The following FRMPD4 variants were observed in gnomAD, a reference collection of about 807,000 sequenced individuals.
The protein encoded by FRMPD4 is FERM and PDZ domain-containing protein 4.
In FRMPD4, 22 loss-of-function variants were observed where a neutral mutation model predicts 94.1. The observed-to-expected ratio is 0.23, with a 90% CI of 0.17 to 0.33. The LOEUF (loss-of-function observed/expected upper bound fraction) is 0.33. FRMPD4 is among the 10% of genes least tolerant of loss of function. The probability of loss-of-function intolerance (pLI) is 1.00; values close to 1 mark genes in which losing one functional copy is unlikely to be tolerated. For missense variants in FRMPD4, 1,111 were observed against 1,339.9 expected (o/e 0.83, Z 2.67); for synonymous variants, 631 against 548.6 (o/e 1.15, Z -2.10).
chrX:12,513,095 C>G lies in FRMPD4; in HGVS notation c.158+14299C>G, dbSNP rs58815316. On this transcript the variant is annotated intron_variant, in intron 2 of 16. Coordinates refer to ENST00000675598, the MANE Select transcript of FRMPD4 (RefSeq NM_001368397.1). ...TTTTTCTTGTAAATTTGTTTAAATT[C>G]CTTGTAGATTCTGGATATGAGACCT... Among the ~76,000 whole-genome samples, 1,078 of 111,805 alleles carry G rather than the reference C, an allele frequency of 9.6e-3. 16 individuals carry two copies. Among genetic ancestry groups the G allele is most frequent in the African/African-American group, 0.033 (1,026 of 30,764 alleles).
intron 1 of FRMPD4, among the ~76,000 whole-genome samples, chrX:12,439,604 A>G (rs1353954625): frequency 9.0e-6 from 1 of 111,661 alleles, no homozygotes; most frequent in East Asian, 2.8e-4. Context: ...TTATTATTAC[A>G]TTCTGAACTG....
At chrX:11,866,297 G>C (rs769310870) in intron 2 of FRMPD4, among the ~76,000 whole-genome samples, 11 of 111,857 alleles carry the variant, frequency 9.8e-5, no homozygotes, top group Non-Finnish European at 3.8e-5. Flanking sequence ...GTCTACTGGG[G>C]CCTCATGCAG....
rs1268707275 is a variant in FRMPD4, at chrX:12,154,485, G to A, written c.41+15473G>A. ...CTGGAAAAGTTGGCTTACTTCAGAG[G>A]AGAGACGAAATAGAAGGGGATGTAG... On this transcript the variant is annotated intron_variant, in intron 1 of 16. Coordinates refer to ENST00000675598, the MANE Select transcript of FRMPD4 (RefSeq NM_001368397.1). Among the ~76,000 whole-genome samples the A allele has an allele frequency of 2.7e-5, 3 of 112,237 alleles. No individual in the cohort carries two copies. In the Admixed American group the frequency reaches 2.8e-4, roughly 11 times the overall value.
At chrX:12,631,394 A>C (rs924524315) in intron 4 of FRMPD4, among the ~76,000 whole-genome samples, 2 of 112,479 alleles carry the variant, frequency 1.8e-5, no homozygotes, top group Non-Finnish European at 3.8e-5. Flanking sequence ...AATCTAAATT[A>C]ATTGATAGAC....
chrX:12,336,927 C>T (rs1210440194), intron 1 of FRMPD4, among the ~76,000 whole-genome samples: 2 of 111,261 alleles, frequency 1.8e-5, no homozygotes, highest in Admixed American at 1.9e-4. Flanking sequence ...GGCAGAGTAG[C>T]AGGTTTGAAT....
chrX:12,268,702 A>G (rs2054309558), intron 1 of FRMPD4, among the ~76,000 whole-genome samples: 1 of 112,344 alleles, frequency 8.9e-6, no homozygotes, highest in African/African-American at 3.2e-5. Context: ...CATAGGGTGC[A>G]CAGCCTTCTG....
chrX:11,927,697 G>C (rs2054097142), intron 3 of FRMPD4, among the ~76,000 whole-genome samples: 1 of 112,527 alleles, frequency 8.9e-6, no homozygotes, highest in African/African-American at 3.2e-5. Context: ...CTAGCCATAT[G>C]CAGAAGATTG....
chrX:12,013,990 A>G (rs897462907), intron 3 of FRMPD4, among the ~76,000 whole-genome samples: 1 of 112,469 alleles, frequency 8.9e-6, no homozygotes, highest in African/African-American at 3.2e-5. Flanking sequence ...CAGACATATT[A>G]TATAACTTTT....
chrX:12,648,096 C>T (rs1255412029), intron 4 of FRMPD4, among the ~76,000 whole-genome samples: 1 of 111,546 alleles, frequency 9.0e-6, no homozygotes, highest in Non-Finnish European at 1.9e-5. Flanking sequence ...TTTTTGACAC[C>T]CATAACTGAA....
intron 1 of FRMPD4, among the ~76,000 whole-genome samples, chrX:12,361,086 A>C (rs1055183196): frequency 2.7e-5 from 3 of 111,957 alleles, no homozygotes; most frequent in Non-Finnish European, 5.6e-5. Context: ...TCATTAGAGA[A>C]GATGAAATTT....
At chrX:12,616,072 G>A (rs2059233755) in intron 4 of FRMPD4, among the ~76,000 whole-genome samples, 1 of 110,936 alleles carries the variant, frequency 9.0e-6, no homozygotes, top group African/African-American at 3.3e-5. Context: ...CATGTCCCAG[G>A]GAAACTCTGG....
At chrX:12,025,339 A>G (rs1274204024) in intron 3 of FRMPD4, among the ~76,000 whole-genome samples, 1 of 109,170 alleles carries the variant, frequency 9.2e-6, no homozygotes, top group African/African-American at 3.3e-5. Flanking sequence ...ACAATTGCCT[A>G]CTTGACTCCT....
chrX:12,104,684 T>A (rs1389752144), intron 3 of FRMPD4, among the ~76,000 whole-genome samples: 1 of 112,661 alleles, frequency 8.9e-6, no homozygotes, highest in African/African-American at 3.2e-5. Context: ...AATCATTAAC[T>A]ATTTATGAGC....
rs184388957 is a variant in FRMPD4 at position 12,111,150 on chromosome X, C to T, written c.95+233132C>T. ...CAAAAGAACAAAGCTGGAGGCATCA[C>T]GCTACCTGACTTCAAACTATACTAC... is the stretch of plus-strand genomic sequence containing the variant. On this transcript the variant is annotated intron_variant, in intron 3 of 18. Transcript: ENST00000640291. 3.1e-3 allele frequency among the ~76,000 whole-genome samples: 350 copies of T among 111,692 alleles called. 1 individual carries two copies. The highest frequency in any genetic ancestry group is 9.1e-3 in the African/African-American group (280 of 30,777).
chrX:11,853,455 T>A (rs186658630), intron 1 of FRMPD4, among the ~76,000 whole-genome samples: 16 of 110,229 alleles, frequency 1.5e-4, no homozygotes, highest in Non-Finnish European at 2.3e-4. Context: ...GCCATTTTTT[T>A]AAAAAAAATT....
intron 1 of FRMPD4, among the ~76,000 whole-genome samples, chrX:12,155,884 C>T (rs2055928459): frequency 1.1e-5 from 1 of 88,958 alleles, no homozygotes; most frequent in Admixed American, 1.4e-4. Flanking sequence ...CACAGCCATC[C>T]CTATTCATCT....
intron 1 of FRMPD4, among the ~76,000 whole-genome samples, chrX:12,427,531 G>A (rs2056959493): frequency 8.9e-6 from 1 of 111,744 alleles, no homozygotes; most frequent in African/African-American, 3.3e-5. Flanking sequence ...GTGTCTTTGG[G>A]GCTCTGAGGG....
At chrX:12,574,891 A>G (rs1330736899) in intron 2 of FRMPD4, among the ~76,000 whole-genome samples, 1 of 112,319 alleles carries the variant, frequency 8.9e-6, no homozygotes, top group South Asian at 3.7e-4. Flanking sequence ...ATAAAATGCC[A>G]CATTGAAAAT....
At chrX:12,703,234 T>A (rs1344445707) in intron 10 of FRMPD4, among the ~76,000 whole-genome samples, 1 of 112,595 alleles carries the variant, frequency 8.9e-6, no homozygotes, top group African/African-American at 3.2e-5. Flanking sequence ...AATACTAATA[T>A]GTATGAATTA....
Sources: allele counts gnomAD v4.1 joint callset (sites outside exome capture counted in the v4.1 genomes callset), GRCh38; gene constraint gnomAD v4.1.1; transcripts MANE v1.5; gene names NCBI Gene and HGNC (gene_info 2026-07-23, HGNC 2026-07-21).